The following COL13A1 variants were observed in gnomAD, a reference collection of about 807,000 sequenced individuals.
COL13A1 encodes the protein collagen alpha-1(XIII) chain.
COL13A1 carries 89 observed loss-of-function variants against 130.9 expected under a neutral mutation model. The ratio of observed to expected loss-of-function variants is 0.68; its 90% CI spans 0.57 to 0.81. The LOEUF (loss-of-function observed/expected upper bound fraction) is 0.81, where lower values mean the gene tolerates loss of function less well. Ranked by LOEUF, COL13A1 falls within the 30% of genes least tolerant of loss-of-function variation. The probability of loss-of-function intolerance (pLI) is 0.00; values close to 1 mark genes in which losing one functional copy is unlikely to be tolerated. For missense variants in COL13A1, 879 were observed against 934.6 expected (o/e 0.94, Z 0.78); for synonymous variants, 402 against 341.6 (o/e 1.18, Z -1.95).
intron 16 of COL13A1, 147 bp downstream of exon 16, chr10:69,905,106 C>T: frequency 1.1e-6 from 1 of 903,362 alleles, no homozygotes; most frequent in Non-Finnish European, 1.7e-6. Context: ...TACAAAACAC[C>T]ACCCTTCTCA....
In COL13A1 at chr10:69,841,508, T is replaced by C. The variant is rs1851594394; in HGVS notation, c.364+19070T>C. 2.6e-5 allele frequency among the ~76,000 whole-genome samples: 4 copies of C among 152,300 alleles called. No homozygotes were observed. In the South Asian group the frequency reaches 8.3e-4, roughly 32 times the overall value. On this transcript the variant is annotated intron_variant, in intron 2 of 40. Coordinates refer to ENST00000645393, the MANE Select transcript of COL13A1 (RefSeq NM_001368882.1). ...AATTGCCATGCACAAAATCACAGCA[T>C]CATTCATGTATCATTCAACACATAT...
chr10:69,914,823 T>G (rs2063751813), intron 17 of COL13A1, among the ~76,000 whole-genome samples: 1 of 152,232 alleles, frequency 6.6e-6, no homozygotes. Context: ...GATGAGGTAC[T>G]GTCACGCCCT....
At chr10:69,954,267 G>A (rs1010071411) in intron 39 of COL13A1, among the ~76,000 whole-genome samples, 13 of 152,220 alleles carry the variant, frequency 8.5e-5, no homozygotes, top group Non-Finnish European at 2.9e-5. Context: ...GCTTCCTGCT[G>A]CAGCTACCTC....
chr10:69,872,206 T>C lies in COL13A1; in HGVS notation c.395T>C (p.Leu132Pro), dbSNP rs1408593464. Residue 132 changes from leucine (L) to proline (P), a missense_variant, in exon 4 of 41, where the codon CTC becomes CCC. Leu to Pro is a moderately conservative substitution (Grantham distance 98). Around this residue, in one of 3 missense-constraint regions of COL13A1, gnomAD observed 715 missense variants for 721.0 expected, o/e 0.99. Coordinates refer to ENST00000645393, the MANE Select transcript of COL13A1 (RefSeq NM_001368882.1). Reference protein sequence around the residue: ...GPPGPTGRPGLPGDKGAIGMP... With the variant: ...GPPGPTGRPGPPGDKGAIGMP... ...CAGGGTCCCACTGGAAGACCCGGAC[T>C]CCCAGTAAGTCACTTTTGTTTCTTC... 1.2e-6 allele frequency: 2 copies of C among 1,614,058 alleles called. No individual in the cohort carries two copies. The highest frequency in any genetic ancestry group is 1.7e-6 in the Non-Finnish European group (2 of 1,179,902).
intron 1 of COL13A1, among the ~76,000 whole-genome samples, chr10:69,817,585 G>A (rs770930699): frequency 5.3e-5 from 8 of 151,996 alleles, no homozygotes; most frequent in Non-Finnish European, 1.0e-4. Flanking sequence ...TGTTTCTCCC[G>A]CTTTACCCTG....
At chr10:69,890,719 G>C (rs1197156279) in intron 10 of COL13A1, among the ~76,000 whole-genome samples, 1 of 152,260 alleles carries the variant, frequency 6.6e-6, no homozygotes, top group Admixed American at 6.5e-5. Context: ...GCCCCAACCT[G>C]TCCTCTTGAC....
chr10:69,870,488 A>ATTTT (rs72157739), intron 3 of COL13A1, among the ~76,000 whole-genome samples: 4 of 141,874 alleles, frequency 2.8e-5, no homozygotes, highest in African/African-American at 2.6e-5. Context: ...AATTTTTTTA[A>ATTTT]TTTTTTTTTT....
chr10:69,951,843 G>A (rs757606396), intron 38 of COL13A1, among the ~76,000 whole-genome samples: 1 of 152,214 alleles, frequency 6.6e-6, no homozygotes, highest in Non-Finnish European at 1.5e-5. Context: ...CACAGTTGAA[G>A]TCCCCAAGCG....
At chr10:69,830,702 G>A (rs960400078) in intron 2 of COL13A1, among the ~76,000 whole-genome samples, 33 of 152,096 alleles carry the variant, frequency 2.2e-4, no homozygotes, top group Admixed American at 6.5e-4. Flanking sequence ...TGGTGGGTAC[G>A]CCAGGTTCAG....
At chr10:69,912,013 C>A (rs1163790159) in intron 17 of COL13A1, among the ~76,000 whole-genome samples, 2 of 152,092 alleles carry the variant, frequency 1.3e-5, no homozygotes, top group Non-Finnish European at 2.9e-5. Flanking sequence ...CCTGCTAGTG[C>A]GGGGACAGCA....
rs2065001784 is a variant in COL13A1, at chr10:69,923,846, A to G, written c.1275A>G (p.Pro425=). 1 of 1,611,970 alleles carries G rather than the reference A, an allele frequency of 6.2e-7. No homozygotes were observed. The highest frequency in any genetic ancestry group is 8.5e-7 in the Non-Finnish European group (1 of 1,179,248). The change falls in exon 24 of 41, where the codon CCA becomes CCG. Residue 425 remains proline (P), a synonymous_variant. Coordinates refer to ENST00000645393, the MANE Select transcript of COL13A1 (RefSeq NM_001368882.1). The part of the protein sequence containing the change: ...VDGQVGPPGQ[P]GDKGERGAAG... ...GCCAGGTTGGCCCCCCAGGGCAGCC[A>G]GGAGACAAGGTACAGAGACCCCCAC...
intron 35 of COL13A1, among the ~76,000 whole-genome samples, chr10:69,943,216 G>A (rs2067920760): frequency 6.6e-6 from 1 of 152,160 alleles, no homozygotes; most frequent in South Asian, 2.1e-4. Context: ...GTTGCAAAGG[G>A]GGGCCCTGAG....
intron 21 of COL13A1, among the ~76,000 whole-genome samples, chr10:69,921,261 T>C (rs1380321945): frequency 2.0e-5 from 3 of 152,170 alleles, no homozygotes; most frequent in Admixed American, 6.5e-5. Context: ...TCCATCTCCA[T>C]ATGGCATTTC....
intron 15 of COL13A1, among the ~76,000 whole-genome samples, chr10:69,903,695 T>C (rs922859578): frequency 2.0e-5 from 3 of 152,238 alleles, no homozygotes; most frequent in Non-Finnish European, 2.9e-5. Context: ...AAAACCTGTT[T>C]TTCCTTCTTA....
chr10:69,894,908 C>T (rs960231015), intron 12 of COL13A1, among the ~76,000 whole-genome samples: 17 of 152,110 alleles, frequency 1.1e-4, no homozygotes, highest in African/African-American at 2.4e-4. Context: ...GAGGCTGGTC[C>T]GGGTGACATC....
chr10:69,860,817 T>C, intron 2 of COL13A1: 1 of 184,116 alleles, frequency 5.4e-6, no homozygotes, highest in Non-Finnish European at 1.2e-5. Flanking sequence ...TAAGGGGATC[T>C]CCTGTCCCTC....
rs12771833 is a variant in COL13A1, at chr10:69,936,128, A to G, written c.1771-628A>G. On this transcript the variant is annotated intron_variant, in intron 32 of 40. Transcript: ENST00000645393. ...AGGAAGGAAGGAAGGAAGGAAGGAA[A>G]GAAGGAAGGAAGGAAGGAAGGAAGG... Among the ~76,000 whole-genome samples, 438 of 92,200 alleles carry G rather than the reference A, an allele frequency of 4.8e-3. 46 individuals carry two copies. Among genetic ancestry groups the G allele is most frequent in the African/African-American group, 8.8e-3 (177 of 20,116 alleles). 60.5% of individuals were successfully genotyped at this position (92,200 alleles called of 152,430 possible).
chr10:69,884,271 C>G (rs935622153), intron 7 of COL13A1, among the ~76,000 whole-genome samples: 1 of 152,192 alleles, frequency 6.6e-6, no homozygotes, highest in Non-Finnish European at 1.5e-5. Flanking sequence ...ATGTTGGTAG[C>G]TTGAAATCGG....
intron 1 of COL13A1, among the ~76,000 whole-genome samples, chr10:69,817,491 T>C (rs1266458287): frequency 2.0e-5 from 3 of 151,686 alleles, no homozygotes; most frequent in Non-Finnish European, 4.4e-5. Flanking sequence ...TGGTGAAGGG[T>C]TGAGGGAACC....
Sources: gnomAD v4.1 joint callset for allele counts (sites outside exome capture counted in the v4.1 genomes callset) on GRCh38, gnomAD v4.1.1 for gene constraint, gnomAD v4.1.1 regional missense constraint, MANE v1.5 for transcripts, NCBI Gene and HGNC (gene_info 2026-07-23, HGNC 2026-07-21) for gene names.